Variants in ZBTB20 observed in about 807,000 individuals in gnomAD.
The protein encoded by ZBTB20 is zinc finger and BTB domain containing 20.
Under a neutral mutation model 56.9 loss-of-function variants are expected in ZBTB20, and 9 were observed. The observed-to-expected ratio is 0.16, with a 90% CI of 0.10 to 0.28. The LOEUF is 0.28. Among genes scored for constraint, ZBTB20 ranks in the 10% least tolerant of loss-of-function variants. The pLI is 1.00. For missense variants in ZBTB20, 655 were observed against 1,003.0 expected (o/e 0.65, Z 4.69); for synonymous variants, 417 against 420.7 (o/e 0.99, Z 0.11).
chr3:114,953,875 A>T (rs2077158979), intron 3 of ZBTB20, among the ~76,000 whole-genome samples: 1 of 152,124 alleles, frequency 6.6e-6, no homozygotes, highest in Admixed American at 6.5e-5. Flanking sequence ...GAAACTTAAC[A>T]GCATTTAAGA....
intron 3 of ZBTB20, among the ~76,000 whole-genome samples, chr3:114,949,454 A>T (rs1247977157): frequency 6.8e-6 from 1 of 146,594 alleles, no homozygotes; most frequent in Non-Finnish European, 1.5e-5. Flanking sequence ...GCATTAAAAT[A>T]AAAAACTTTT....
chr3:114,413,906 C>T (rs553956146), intron 7 of ZBTB20, among the ~76,000 whole-genome samples: 54 of 152,274 alleles, frequency 3.5e-4, no homozygotes, highest in Admixed American at 1.1e-3. Context: ...CACACTGCTG[C>T]TGTTTTCTGC....
intron 6 of ZBTB20, among the ~76,000 whole-genome samples, chr3:114,563,079 T>A (rs2052285309): frequency 1.3e-5 from 2 of 152,138 alleles, no homozygotes; most frequent in South Asian, 4.1e-4. Flanking sequence ...CCACAAACTT[T>A]CAATTTGCAA....
At chr3:114,609,659 C>T (rs1477451370) in intron 6 of ZBTB20, among the ~76,000 whole-genome samples, 1 of 152,136 alleles carries the variant, frequency 6.6e-6, no homozygotes, top group Non-Finnish European at 1.5e-5. Flanking sequence ...TAGACTATTT[C>T]CCTTAGACGC....
At chr3:115,013,260 G>A (rs902700317) in intron 2 of ZBTB20, among the ~76,000 whole-genome samples, 2 of 151,222 alleles carry the variant, frequency 1.3e-5, no homozygotes, top group African/African-American at 4.9e-5. Context: ...ACAAAAGATC[G>A]CTAAACAAAA....
chr3:114,394,378 C>T (rs776540577), intron 7 of ZBTB20, among the ~76,000 whole-genome samples: 35 of 152,220 alleles, frequency 2.3e-4, no homozygotes, highest in African/African-American at 6.3e-4. Flanking sequence ...AGCATGGACA[C>T]GGGACACATT....
intron 5 of ZBTB20, among the ~76,000 whole-genome samples, chr3:114,711,693 A>G (rs2064095467): frequency 6.6e-6 from 1 of 152,160 alleles, no homozygotes; most frequent in African/African-American, 2.4e-5. Context: ...TGAACCCTCA[A>G]TCTGGAGAGG....
intron 6 of ZBTB20, among the ~76,000 whole-genome samples, chr3:114,507,240 C>A (rs184647571): frequency 6.6e-6 from 1 of 152,252 alleles, no homozygotes; most frequent in East Asian, 1.9e-4. Flanking sequence ...CCCTGTCCAT[C>A]AGCATATAAT....
At chr3:114,563,599 T>C (rs981940088) in intron 6 of ZBTB20, among the ~76,000 whole-genome samples, 2 of 152,192 alleles carry the variant, frequency 1.3e-5, no homozygotes, top group Non-Finnish European at 2.9e-5. Context: ...TGTTGTAAGA[T>C]AAATTATTCT....
chr3:114,541,084 C>T (rs2049056038), intron 6 of ZBTB20, among the ~76,000 whole-genome samples: 2 of 152,052 alleles, frequency 1.3e-5, no homozygotes, highest in African/African-American at 2.4e-5. Context: ...TAATATTAAT[C>T]TCTAGAATCC....
At chr3:114,972,534 A>G (rs2077928013) in intron 3 of ZBTB20, among the ~76,000 whole-genome samples, 1 of 152,168 alleles carries the variant, frequency 6.6e-6, no homozygotes, top group South Asian at 2.1e-4. Context: ...AAAGTAGAAA[A>G]ATAATCATAT....
intron 5 of ZBTB20, among the ~76,000 whole-genome samples, chr3:114,775,527 A>T (rs2069532316): frequency 6.7e-6 from 1 of 148,546 alleles, no homozygotes; most frequent in African/African-American, 2.5e-5. Flanking sequence ...CTTGCAATAC[A>T]TGTGGGCTTT....
intron 7 of ZBTB20, among the ~76,000 whole-genome samples, chr3:114,400,595 A>G (rs1283640434): frequency 6.6e-6 from 1 of 152,182 alleles, no homozygotes; most frequent in Non-Finnish European, 1.5e-5. Flanking sequence ...TGGGTGAGCC[A>G]AATGCTCAAG....
chr3:114,762,239 T>C (rs1430794010), intron 5 of ZBTB20, among the ~76,000 whole-genome samples: 1 of 152,194 alleles, frequency 6.6e-6, no homozygotes. Flanking sequence ...TTAATGTAGA[T>C]GAAAAAGCTT....
rs2078847433 is a variant in ZBTB20, at chr3:114,992,241, A to G, written c.-506-17825T>C. Among the ~76,000 whole-genome samples, 5 of 152,046 alleles carry G rather than the reference A, an allele frequency of 3.3e-5. No homozygotes were observed. In the South Asian group the frequency reaches 1.0e-3, roughly 31 times the overall value. On this transcript the variant is annotated intron_variant, in intron 2 of 11. Coordinates refer to ENST00000675478, the MANE Select transcript of ZBTB20 (RefSeq NM_001348800.3). ...GCAAGAGTAAATATGTCAGCAACTG[A>G]AAAATTAGGGCAACATGATCCAAAT...
chr3:115,106,091 C>T (rs2083714266), intron 1 of ZBTB20, among the ~76,000 whole-genome samples: 1 of 152,136 alleles, frequency 6.6e-6, no homozygotes, highest in African/African-American at 2.4e-5. Context: ...GCTGGGATTA[C>T]AGGCGTGAGC....
At chr3:114,779,504 G>A (rs9842905) in intron 5 of ZBTB20, among the ~76,000 whole-genome samples, 85,710 of 152,080 alleles carry the variant, frequency 0.56, 27,982 homozygotes, top group Non-Finnish European at 0.72. Flanking sequence ...GATCAGTGCA[G>A]ATTGGTTCAT....
At chr3:114,672,042 C>A (rs562670931) in intron 6 of ZBTB20, among the ~76,000 whole-genome samples, 7 of 152,162 alleles carry the variant, frequency 4.6e-5, no homozygotes, top group Admixed American at 4.6e-4. Context: ...ACTTTGGATG[C>A]AGTATGTCTG....
chr3:114,897,914 G>A (rs2074952214), intron 4 of ZBTB20, among the ~76,000 whole-genome samples: 2 of 152,108 alleles, frequency 1.3e-5, no homozygotes, highest in Admixed American at 6.6e-5. Context: ...ACGGGCTTAT[G>A]CCACACAAAA....
Sources: allele counts gnomAD v4.1 joint callset (sites outside exome capture counted in the v4.1 genomes callset), GRCh38; gene constraint gnomAD v4.1.1; transcripts MANE v1.5; gene names NCBI Gene and HGNC (gene_info 2026-07-23, HGNC 2026-07-21).